MYT1L: variants seen among roughly 807,000 people sequenced by gnomAD.
MYT1L encodes myelin transcription factor 1 like, also known as myelin transcription factor 1-like protein.
In MYT1L, 12 loss-of-function variants were observed where a neutral mutation model predicts 126.7. The ratio of observed to expected loss-of-function variants is 0.09; its 90% CI spans 0.06 to 0.15. The LOEUF (loss-of-function observed/expected upper bound fraction) is 0.15. Ranked by LOEUF, MYT1L falls within the 10% of genes least tolerant of loss-of-function variation. MYT1L has a pLI of 1.00. For synonymous variants in MYT1L, 541 were observed against 604.2 expected, an observed-to-expected ratio of 0.90 and a Z score of 1.53; for missense variants, 979 against 1,585.2, an observed-to-expected ratio of 0.62 and a Z score of 6.49.
At chr2:2,170,593 A>G (rs2089895044) in intron 3 of MYT1L, among the ~76,000 whole-genome samples, 1 of 152,212 alleles carries the variant, frequency 6.6e-6, no homozygotes, top group African/African-American at 2.4e-5. Flanking sequence ...GTGAAGATGT[A>G]TTTTCATTAA....
intron 3 of MYT1L, among the ~76,000 whole-genome samples, chr2:2,154,781 G>A (rs567047233): frequency 4.9e-4 from 74 of 152,202 alleles, no homozygotes; most frequent in African/African-American, 1.7e-3. Context: ...CCTGTGACAC[G>A]AGTTTACCTA....
At chr2:2,121,538 G>A (rs1022416526) in intron 3 of MYT1L, among the ~76,000 whole-genome samples, 1 of 151,686 alleles carries the variant, frequency 6.6e-6, no homozygotes, top group Non-Finnish European at 1.5e-5. Flanking sequence ...CCAGGCTGGA[G>A]TGCAGTGGCG....
chr2:2,032,635 T>C (rs1157709856), intron 4 of MYT1L, among the ~76,000 whole-genome samples: 6 of 131,944 alleles, frequency 4.5e-5, no homozygotes, highest in East Asian at 2.5e-4. Context: ...TCTCATCCTG[T>C]GGCCCAGAGC....
intron 2 of MYT1L, among the ~76,000 whole-genome samples, chr2:2,179,027 TG>T (rs148710265): frequency 0.044 from 6,710 of 152,262 alleles, 221 homozygotes; most frequent in Non-Finnish European, 0.068. Context: ...GAGCAGTAAC[TG>T]GGTTCTGCCA....
chr2:1,897,422 C>T (rs1477286639), intron 14 of MYT1L, among the ~76,000 whole-genome samples: 1 of 151,950 alleles, frequency 6.6e-6, no homozygotes, highest in East Asian at 1.9e-4. Flanking sequence ...TGACAGAATG[C>T]ACTTTCTTTT....
At chr2:2,292,024 A>G (rs868048012) in intron 1 of MYT1L, among the ~76,000 whole-genome samples, 48 of 152,316 alleles carry the variant, frequency 3.2e-4, no homozygotes, top group African/African-American at 9.4e-4. Context: ...CCGACTGCCC[A>G]TCCAGGGCGC....
intron 8 of MYT1L, among the ~76,000 whole-genome samples, chr2:1,950,951 T>G (rs1265915053): frequency 6.6e-6 from 1 of 152,092 alleles, no homozygotes; most frequent in Non-Finnish European, 1.5e-5. Context: ...AGGTAGGACA[T>G]GCAGGAGTGA....
chr2:2,270,788 C>T lies in MYT1L; in HGVS notation c.-421+13616G>A, dbSNP rs1490611756. On this transcript the variant is annotated intron_variant, in intron 2 of 24. Coordinates refer to ENST00000647738, the MANE Select transcript of MYT1L (RefSeq NM_001303052.2). Reference sequence around the variant, plus strand: ...TCCTGCCCCAGCTCAGTCAGGATGCCGTGCCCCCTCCCAGCCAGTTTGAGG... The same window carrying T: ...TCCTGCCCCAGCTCAGTCAGGATGCTGTGCCCCCTCCCAGCCAGTTTGAGG... 4.6e-5 allele frequency among the ~76,000 whole-genome samples: 7 copies of T among 152,198 alleles called. No individual in the cohort carries two copies. In the South Asian group the frequency reaches 8.3e-4, roughly 18 times the overall value.
Position 1,956,588 on chromosome 2 carries a change from C to A in MYT1L, c.153-13254G>T, listed in dbSNP as rs532940075. 8.8e-3 allele frequency among the ~76,000 whole-genome samples: 1,295 copies of A among 147,546 alleles called. 18 individuals are homozygous for A. The highest frequency in any genetic ancestry group is 0.015 in the Middle Eastern group (4 of 272). ...TATATTTCCTATTCTATCTATCTAT[C>A]TATCTATCTATCTATCTATCTATCT... On this transcript the variant is annotated intron_variant, in intron 8 of 24. Coordinates refer to ENST00000647738, the MANE Select transcript of MYT1L (RefSeq NM_001303052.2).
intron 1 of MYT1L, among the ~76,000 whole-genome samples, chr2:2,290,560 A>G (rs1002045358): frequency 6.6e-6 from 1 of 152,234 alleles, no homozygotes; most frequent in African/African-American, 2.4e-5. Context: ...TGCTCATCAC[A>G]TGTGCCAGCC....
At chr2:2,275,344 C>T (rs1008111060) in intron 2 of MYT1L, among the ~76,000 whole-genome samples, 4 of 151,570 alleles carry the variant, frequency 2.6e-5, no homozygotes, top group African/African-American at 7.3e-5. Context: ...AAGTATTGGT[C>T]GAACCTAAAA....
rs538779131 is a variant in MYT1L, at chr2:2,273,045, C to T, written c.-421+11359G>A. Among the ~76,000 whole-genome samples the T allele has an allele frequency of 5.3e-5, 8 of 152,232 alleles. No homozygotes were observed. In the East Asian group the frequency reaches 1.6e-3, roughly 30 times the overall value. On this transcript the variant is annotated intron_variant, in intron 2 of 24. Coordinates refer to ENST00000647738, the MANE Select transcript of MYT1L (RefSeq NM_001303052.2). ...TCCCAGGAGCTCTCAGGGGCCTGTG[C>T]CTTCCGGGCCCCTTGCTGTCTCTCA...
chr2:1,843,462 C>A (rs2042094188), intron 19 of MYT1L, among the ~76,000 whole-genome samples: 1 of 151,244 alleles, frequency 6.6e-6, no homozygotes, highest in Non-Finnish European at 1.5e-5. Context: ...TGATGTCCTA[C>A]CCAGGGAGAA....
chr2:2,287,607 G>T (rs1041431121), intron 1 of MYT1L, among the ~76,000 whole-genome samples: 1 of 152,154 alleles, frequency 6.6e-6, no homozygotes, highest in Admixed American at 6.5e-5. Context: ...TTTCTCATTT[G>T]CAAAATGAGG....
chr2:1,900,113 A>G (rs577433075), intron 14 of MYT1L, among the ~76,000 whole-genome samples: 124 of 152,286 alleles, frequency 8.1e-4, no homozygotes, highest in Non-Finnish European at 1.6e-3. Flanking sequence ...TTTTAGGAAC[A>G]ATGACTCAAT....
chr2:2,248,930 C>A (rs1456550701), intron 2 of MYT1L, among the ~76,000 whole-genome samples: 2 of 151,908 alleles, frequency 1.3e-5, no homozygotes, highest in Non-Finnish European at 2.9e-5. Flanking sequence ...GAGTGAAAAG[C>A]CAAAGACTTT....
chr2:2,087,616 T>A (rs2076486162), intron 3 of MYT1L, among the ~76,000 whole-genome samples: 1 of 152,218 alleles, frequency 6.6e-6, no homozygotes, highest in Admixed American at 6.5e-5. Flanking sequence ...AATAAGAGCT[T>A]GGTCCTAAAT....
At chr2:2,029,495 A>G (rs989319985) in intron 4 of MYT1L, among the ~76,000 whole-genome samples, 8 of 152,204 alleles carry the variant, frequency 5.3e-5, no homozygotes, top group African/African-American at 1.9e-4. Context: ...CAAGAACAGT[A>G]TGGGGGAAAC....
chr2:2,000,760 G>A (rs567461267), intron 4 of MYT1L, among the ~76,000 whole-genome samples: 50 of 152,312 alleles, frequency 3.3e-4, no homozygotes, highest in African/African-American at 7.9e-4. Flanking sequence ...GGACCTCCAC[G>A]TAAGGGTTCT....
Sources: gnomAD v4.1 joint callset for allele counts (sites outside exome capture counted in the v4.1 genomes callset) on GRCh38, gnomAD v4.1.1 for gene constraint, MANE v1.5 for transcripts, NCBI Gene and HGNC (gene_info 2026-07-23, HGNC 2026-07-21) for gene names.